Variants in CD302 observed in about 807,000 individuals in gnomAD.
The protein encoded by CD302 is CD302 molecule.
A neutral mutation model predicts 26.5 loss-of-function variants in CD302; 23 were observed. The ratio of observed to expected loss-of-function variants is 0.87; its 90% confidence interval spans 0.62 to 1.23. CD302 has a LOEUF of 1.23. Ranked by LOEUF, CD302 falls within the 50% of genes most tolerant of loss-of-function variation. CD302 has a pLI of 0.00. For missense variants in CD302, 290 were observed against 275.5 expected (o/e 1.05, Z -0.37); for synonymous variants, 90 against 99.4 (o/e 0.91, Z 0.56).
At chr2:159,795,222 C>CG (rs1000549648) in intron 1 of CD302, among the ~76,000 whole-genome samples, 1 of 141,390 alleles carries the variant, frequency 7.1e-6, no homozygotes. Flanking sequence ...GACTCCATCT[C>CG]GGAAAAAAAA....
Position 159,780,944 on chromosome 2 carries a change from G to A in CD302, c.233C>T (p.Thr78Ile), listed in dbSNP as rs745629007. The A allele has an allele frequency of 4.0e-5, 65 of 1,613,406 alleles. No individual in the cohort carries two copies. The highest frequency in any genetic ancestry group is 5.1e-5 in the Non-Finnish European group (60 of 1,179,934). The change falls in exon 3 of 6, where the codon ACT (threonine) becomes ATT (isoleucine). Residue 78 changes from threonine (T) to isoleucine (I), a missense_variant. Physicochemically the swap from Thr to Ile is moderately conservative, Grantham distance 89. Coordinates refer to ENST00000259053, the MANE Select transcript of CD302 (RefSeq NM_014880.5). ...NEEENAFILDTLKKQWKGPDD... is the reference protein window; with the variant it reads ...NEEENAFILDILKKQWKGPDD... ...TGGGCCTTTCCATTGCTTTTTCAAA[G>A]TATCCAGTATAAAAGCATTTTCTTC...
At position 159,798,131 on chromosome 2, in the gene CD302, C is replaced by T. The variant is rs1476411729; in HGVS notation, c.67+1G>A. On this transcript the variant is annotated splice_donor_variant, in intron 1 of 5. Coordinates refer to ENST00000259053, the MANE Select transcript of CD302 (RefSeq NM_014880.5). LOFTEE classifies it high-confidence loss of function. ...CGGCGAGGGACTACGTAAGGGCTTA[C>T]CCGCGACGGCAGCAGCGGCGAGGCC... The T allele has an allele frequency of 6.7e-7, 1 of 1,488,358 alleles. No homozygotes were observed. The highest frequency in any genetic ancestry group is 8.9e-7 in the Non-Finnish European group (1 of 1,124,910). 92.2% of individuals were successfully genotyped at this position (1,488,358 alleles called of 1,614,324 possible). A position where few individuals can be genotyped will look rare whatever the true frequency, so the allele number is the denominator to read the frequency against.
chr2:159,779,629 A>AT (rs34988997), intron 4 of CD302, among the ~76,000 whole-genome samples: 43 of 148,320 alleles, frequency 2.9e-4, no homozygotes, highest in Middle Eastern at 3.5e-3. Context: ...TATTCCCTCT[A>AT]TTTTTTTTTT....
chr2:159,798,171 G>A lies in CD302; in HGVS notation c.28C>T (p.Leu10=). The A allele has an allele frequency of 1.3e-6, 2 of 1,481,482 alleles. No homozygotes were observed. Among genetic ancestry groups the A allele is most frequent in the East Asian group, 3.0e-5 (1 of 33,772 alleles). The allele number at this position is 1,481,482 out of a possible 1,614,324, so 91.8% of individuals were successfully genotyped here. The part of the protein sequence containing the change: MLRAALPAL[L]LPLLGLAAAA... Reference sequence around the variant, plus strand: ...GCGGCGAGGCCCAGCAACGGCAGCAGGAGCGCGGGCAGCGCGGCCCGGAGC... The same window carrying A: ...GCGGCGAGGCCCAGCAACGGCAGCAAGAGCGCGGGCAGCGCGGCCCGGAGC... The change falls in exon 1 of 6, where the codon CTG becomes TTG. Residue 10 remains leucine (L), a synonymous_variant. Coordinates refer to ENST00000259053, the MANE Select transcript of CD302 (RefSeq NM_014880.5).
chr2:159,783,517 T>G (rs767281050), intron 1 of CD302, 48 bp from the exon 2 acceptor site: 17 of 1,428,104 alleles, frequency 1.2e-5, no homozygotes, highest in Non-Finnish European at 1.5e-5. Flanking sequence ...AGAAAAAGAA[T>G]TACATGAATT....
intron 1 of CD302, among the ~76,000 whole-genome samples, chr2:159,791,487 G>T (rs1708805629): frequency 6.6e-6 from 1 of 152,154 alleles, no homozygotes; most frequent in South Asian, 2.1e-4. Context: ...GCCTATACAT[G>T]TTTACATAGC....
chr2:159,773,256 T>G lies in CD302; in HGVS notation c.497-1203A>C, dbSNP rs190473182. Among the ~76,000 whole-genome samples, 450 of 152,284 alleles carry G rather than the reference T, an allele frequency of 3.0e-3. No homozygotes were observed. In the Middle Eastern group the frequency reaches 0.041, roughly 14 times the overall value. ...CCGAAACCCCTGGCTTCAAGTGATC[T>G]GCCCCCCTCGGCCTCCCAGAGTGCT... On this transcript the variant is annotated intron_variant, in intron 5 of 5. Coordinates refer to ENST00000259053, the MANE Select transcript of CD302 (RefSeq NM_014880.5).
chr2:159,790,231 T>C (rs1266839320), intron 1 of CD302, among the ~76,000 whole-genome samples: 5 of 152,088 alleles, frequency 3.3e-5, no homozygotes, highest in East Asian at 1.9e-4. Flanking sequence ...AAACAGATAT[T>C]CCGAAGGTAG....
At chr2:159,778,236 G>A (rs560582244) in intron 4 of CD302, among the ~76,000 whole-genome samples, 19 of 152,136 alleles carry the variant, frequency 1.2e-4, no homozygotes, top group Non-Finnish European at 2.4e-4. Context: ...AGACAATAAT[G>A]AGGTAAAGGA....
rs1185461586 is a variant in CD302 at position 159,771,138 on chromosome 2, G to GAAAGT, written c.*708_*712dup. The GAAAGT allele has an allele frequency of 6.6e-6, 1 of 152,134 alleles. No individual in the cohort carries two copies. The highest frequency in any genetic ancestry group is 1.5e-5 in the Non-Finnish European group (1 of 67,996). 9.4% of individuals were successfully genotyped at this position (152,134 alleles called of 1,614,324 possible). On this transcript the variant is annotated 3_prime_UTR_variant, in exon 6 of 6. Transcript: ENST00000259053. ...AGAATGAGATACATCTTGTATAGGG[G>GAAAGT]AAAGTACAAAAGGTATGGTGGCAAG...
intron 1 of CD302, 90 bp from the exon 2 acceptor site, chr2:159,783,559 T>TCA (rs955288126): frequency 1.1e-5 from 10 of 945,608 alleles, no homozygotes; most frequent in Admixed American, 9.4e-5. Context: ...TACTAAATTT[T>TCA]CACACACACA....
At chr2:159,792,236 G>C (rs1708825232) in intron 1 of CD302, among the ~76,000 whole-genome samples, 1 of 152,190 alleles carries the variant, frequency 6.6e-6, no homozygotes, top group Non-Finnish European at 1.5e-5. Flanking sequence ...CTTCTACACA[G>C]GGGTGCTTGA....
At chr2:159,782,724 CAA>C (rs765295574) in intron 2 of CD302, among the ~76,000 whole-genome samples, 41 of 106,150 alleles carry the variant, frequency 3.9e-4, no homozygotes, top group Admixed American at 2.9e-4. Context: ...GACCCTGTCT[CAA>C]AAAAAAAAAA....
chr2:159,794,521 A>T (rs529176759), intron 1 of CD302, among the ~76,000 whole-genome samples: 2,334 of 24,982 alleles, frequency 0.093, 21 homozygotes, highest in Non-Finnish European at 0.12. Context: ...AAAATTAATT[A>T]ATTTATTTAT....
At chr2:159,787,828 G>A (rs886541067) in intron 1 of CD302, among the ~76,000 whole-genome samples, 1 of 152,032 alleles carries the variant, frequency 6.6e-6, no homozygotes, top group Non-Finnish European at 1.5e-5. Context: ...CTCTATAAAT[G>A]TCTCCACCAG....
intron 5 of CD302, 114 bp from the exon 6 acceptor site, chr2:159,772,167 C>T: frequency 1.6e-6 from 2 of 1,275,520 alleles, no homozygotes; most frequent in South Asian, 3.0e-5. Flanking sequence ...TTGAGAATTT[C>T]CCACACTGAT....
intron 1 of CD302, among the ~76,000 whole-genome samples, chr2:159,794,256 C>T (rs1398757445): frequency 1.6e-5 from 1 of 61,072 alleles, no homozygotes; most frequent in Non-Finnish European, 3.6e-5. Flanking sequence ...CAGAGTGAGG[C>T]CCTGTCTCAA....
At chr2:159,796,846 G>A (rs913762032) in intron 1 of CD302, among the ~76,000 whole-genome samples, 1 of 152,072 alleles carries the variant, frequency 6.6e-6, no homozygotes, top group Non-Finnish European at 1.5e-5. Flanking sequence ...AAGAAAATTC[G>A]ACTAGCCTAA....
chr2:159,777,878 G>T, intron 5 of CD302, 60 bp downstream of exon 5: 1 of 841,448 alleles, frequency 1.2e-6, no homozygotes, highest in Non-Finnish European at 1.8e-6. Flanking sequence ...ATTTTAATAT[G>T]CCAGAATTTT....
Sources: allele counts gnomAD v4.1 joint callset (sites outside exome capture counted in the v4.1 genomes callset), GRCh38; gene constraint gnomAD v4.1.1; transcripts MANE v1.5; gene names NCBI Gene and HGNC (gene_info 2026-07-23, HGNC 2026-07-21).